The following MYRFL variants were observed in gnomAD, a reference collection of about 807,000 sequenced individuals.
The protein encoded by MYRFL is myelin regulatory factor like, also known as myelin regulatory factor-like protein.
In MYRFL, 88 loss-of-function variants were observed where a neutral mutation model predicts 109.4. The ratio of observed to expected loss-of-function variants is 0.80; its 90% CI spans 0.68 to 0.96. The LOEUF (loss-of-function observed/expected upper bound fraction) is 0.96. Among genes scored for constraint, MYRFL ranks in the 40% least tolerant of loss-of-function variants. The pLI, the probability that MYRFL is intolerant of heterozygous loss-of-function variation, is 0.00. For missense variants in MYRFL, 957 were observed against 954.9 expected (o/e 1.00, Z -0.03); for synonymous variants, 324 against 320.9 (o/e 1.01, Z -0.10).
chr12:69,930,139 T>C lies in MYRFL; in HGVS notation c.1831-2374T>C, dbSNP rs191668181. ...TCATCTCCTAGTTGTCCTCTGTTCC[T>C]TGGGGACTCTGTGGGTCATGGAAAT... is the stretch of plus-strand genomic sequence containing the variant. On this transcript the variant is annotated intron_variant, in intron 15 of 24. Transcript: ENST00000552032. Among the ~76,000 whole-genome samples the C allele has an allele frequency of 3.3e-4, 51 of 152,302 alleles. No homozygotes were observed. The East Asian group carries it at 8.7e-3, about 26-fold the overall frequency.
intron 7 of MYRFL, among the ~76,000 whole-genome samples, chr12:69,891,561 A>ATTTATTTCTTTCTTTC (rs1555249260): frequency 1.8e-5 from 2 of 113,998 alleles, no homozygotes; most frequent in South Asian, 2.9e-4. Context: ...AAAGGTGTCA[A>ATTTATTTCTTTCTTTC]TTTCTTTCTT....
intron 4 of MYRFL, among the ~76,000 whole-genome samples, chr12:69,879,772 TC>T (rs1245240971): frequency 1.3e-5 from 2 of 152,220 alleles, no homozygotes; most frequent in African/African-American, 4.8e-5. Context: ...GAATGAGCTC[TC>T]CGAGAAATAT....
intron 18 of MYRFL, 45 bp from the exon 19 acceptor site, chr12:69,936,408 G>T: frequency 6.6e-7 from 1 of 1,526,594 alleles, no homozygotes; most frequent in Non-Finnish European, 8.8e-7. Flanking sequence ...CAGCCTTTCA[G>T]GTTAACCTTC....
At chr12:69,926,523 G>T in intron 13 of MYRFL, 48 bp from the exon 14 acceptor site, 1 of 1,428,612 alleles carries the variant, frequency 7.0e-7, no homozygotes, top group Non-Finnish European at 9.2e-7. Context: ...GCTTTGTAGT[G>T]ATCTCAAATT....
chr12:69,872,693 G>T (rs751958432), intron 2 of MYRFL, among the ~76,000 whole-genome samples: 16 of 151,996 alleles, frequency 1.1e-4, no homozygotes, highest in Non-Finnish European at 1.8e-4. Context: ...TAGAGATGGG[G>T]TTTCACCATG....
intron 2 of MYRFL, among the ~76,000 whole-genome samples, chr12:69,877,028 T>TTCTTTCTTTC (rs1565988313): frequency 1.3e-4 from 17 of 130,240 alleles, no homozygotes; most frequent in Non-Finnish European, 1.8e-4. Context: ...TCTTTCTTTT[T>TTCTTTCTTTC]TTTTTTTTTT....
In MYRFL at chr12:69,906,159, C is replaced by T. The variant is rs114752814; in HGVS notation, c.1383+2315C>T. Among the ~76,000 whole-genome samples, 13 of 152,214 alleles carry T rather than the reference C, an allele frequency of 8.5e-5. No homozygotes were observed. The East Asian group carries it at 1.5e-3, about 18-fold the overall frequency. On this transcript the variant is annotated intron_variant, in intron 11 of 24. Transcript: ENST00000552032. ...CTGCTTTGCCCTATGTGTTTCCTCACGCAGGAAACACAGATTTCTTTGTGG... is the reference window on the plus strand; with the variant it reads ...CTGCTTTGCCCTATGTGTTTCCTCATGCAGGAAACACAGATTTCTTTGTGG...
At chr12:69,831,036 CATT>C (rs1882599877) in intron 1 of MYRFL, among the ~76,000 whole-genome samples, 1 of 152,130 alleles carries the variant, frequency 6.6e-6, no homozygotes, top group South Asian at 2.1e-4. Context: ...AGAAGAAGAT[CATT>C]ATCACTAGTA....
intron 13 of MYRFL, among the ~76,000 whole-genome samples, chr12:69,919,667 T>G (rs1468753497): frequency 6.6e-6 from 1 of 152,124 alleles, no homozygotes; most frequent in Non-Finnish European, 1.5e-5. Context: ...TGGACAAAAA[T>G]CTAAAGCTGA....
chr12:69,872,552 G>A (rs7964562), intron 2 of MYRFL, among the ~76,000 whole-genome samples: 199 of 152,122 alleles, frequency 1.3e-3, no homozygotes, highest in African/African-American at 4.0e-3. Flanking sequence ...CTAGGCTGGA[G>A]TGCGATGGCA....
intron 1 of MYRFL, among the ~76,000 whole-genome samples, chr12:69,842,393 C>G (rs1489723149): frequency 6.6e-6 from 1 of 152,188 alleles, no homozygotes. Flanking sequence ...TCATTCACAG[C>G]TTTATTTACT....
At chr12:69,937,526 T>C (rs577562762) in intron 19 of MYRFL, among the ~76,000 whole-genome samples, 1 of 152,342 alleles carries the variant, frequency 6.6e-6, no homozygotes, top group African/African-American at 2.4e-5. Flanking sequence ...ACAATAATTA[T>C]TTCCACAGTC....
intron 20 of MYRFL, among the ~76,000 whole-genome samples, chr12:69,952,561 G>A (rs1012367545): frequency 5.3e-5 from 8 of 152,092 alleles, no homozygotes; most frequent in African/African-American, 1.7e-4. Flanking sequence ...GAATGTTATA[G>A]GGGATGTTTA....
At chr12:69,949,435 T>TA (rs1955918143) in intron 19 of MYRFL, among the ~76,000 whole-genome samples, 1 of 152,168 alleles carries the variant, frequency 6.6e-6, no homozygotes, top group Non-Finnish European at 1.5e-5. Flanking sequence ...GACAGGAGCC[T>TA]AGCCACTCCC....
rs1053953174 is a variant in MYRFL at position 69,926,597 on chromosome 12, T to C, written c.1629T>C (p.Gly543=). The C allele has an allele frequency of 3.0e-5, 46 of 1,516,962 alleles. 1 individual carries two copies. In the East Asian group the frequency reaches 1.1e-3, roughly 37 times the overall value. 94.0% of individuals were successfully genotyped at this position (1,516,962 alleles called of 1,614,324 possible). A position where few individuals can be genotyped will look rare whatever the true frequency, so the allele number is the denominator to read the frequency against. ...DKDQIFMENV[G]AVKQLCKLTN... ...ACCAGATCTTTATGGAAAATGTAGGTGCAGTGAAGCAACTGTGCAAACTAA... is the reference window on the plus strand; with the variant it reads ...ACCAGATCTTTATGGAAAATGTAGGCGCAGTGAAGCAACTGTGCAAACTAA... The change falls in exon 14 of 25, where the codon GGT becomes GGC. Residue 543 remains glycine (G), a synonymous_variant. Transcript: ENST00000552032.
chr12:69,875,730 T>G (rs1885622128), intron 2 of MYRFL, among the ~76,000 whole-genome samples: 1 of 152,086 alleles, frequency 6.6e-6, no homozygotes, highest in Non-Finnish European at 1.5e-5. Context: ...CTTATGAAAA[T>G]CTAACTAACG....
At position 69,891,044 on chromosome 12, in the gene MYRFL, CAA is replaced by C. The variant is rs1309141309; in HGVS notation, c.784_785del (p.Lys262GlufsTer20). On this transcript the variant is annotated frameshift_variant, in exon 7 of 25. Transcript: ENST00000552032. LOFTEE classifies it high-confidence loss of function. ...ACCAGCAGATGAAGCTTTTGTTTGCCAAAAGAAGAATCATTTCCAGATAACCA... is the reference window on the plus strand; with the variant it reads ...ACCAGCAGATGAAGCTTTTGTTTGCCAAGAAGAATCATTTCCAGATAACCA... ...FSPADEAFVC[Q>X]KKNHFQITIH... The C allele has an allele frequency of 6.5e-7, 1 of 1,534,192 alleles. No individual in the cohort carries two copies. The highest frequency in any genetic ancestry group is 8.7e-7 in the Non-Finnish European group (1 of 1,146,166).
At chr12:69,863,861 T>C (rs1187772835) in intron 2 of MYRFL, among the ~76,000 whole-genome samples, 1 of 152,232 alleles carries the variant, frequency 6.6e-6, no homozygotes, top group African/African-American at 2.4e-5. Context: ...CTTAGTTTTC[T>C]TCCACTGAAA....
chr12:69,827,004 T>C (rs1281206524), intron 1 of MYRFL, among the ~76,000 whole-genome samples: 1 of 152,114 alleles, frequency 6.6e-6, no homozygotes, highest in Non-Finnish European at 1.5e-5. Flanking sequence ...GAAGCTGATA[T>C]TCTTGATCTG....
Sources: gnomAD v4.1 joint callset for allele counts (sites outside exome capture counted in the v4.1 genomes callset) on GRCh38, gnomAD v4.1.1 for gene constraint, MANE v1.5 for transcripts, NCBI Gene and HGNC (gene_info 2026-07-23, HGNC 2026-07-21) for gene names.